PPFIA1: variants seen among roughly 807,000 people sequenced by gnomAD.
PPFIA1 encodes liprin-alpha-1.
Under a neutral mutation model 149.9 loss-of-function variants are expected in PPFIA1, and 25 were observed. The ratio of observed to expected loss-of-function variants is 0.17; its 90% confidence interval spans 0.12 to 0.23. The LOEUF is 0.23. PPFIA1 is among the 10% of genes least tolerant of loss of function. PPFIA1 has a pLI of 1.00. For missense variants in PPFIA1, 1,362 were observed against 1,506.5 expected (o/e 0.90, Z 1.59); for synonymous variants, 549 against 552.8 (o/e 0.99, Z 0.10).
Position 70,324,921 on chromosome 11 carries a change from A to T in PPFIA1, c.441A>T (p.Gln147His). 4.3e-6 allele frequency: 7 copies of T among 1,614,002 alleles called. No homozygotes were observed. Among genetic ancestry groups the T allele is most frequent in the Non-Finnish European group, 5.9e-6 (7 of 1,179,894 alleles). The part of the protein sequence containing the change: ...RSLRMTVVKR[Q>H]AQSPAGVSSE... ...TTAGGATGACCGTGGTGAAGAGACA[A>T]GCGCAGTCTCCAGCAGGCGTGTCCA... is the stretch of plus-strand genomic sequence containing the variant. The change falls in exon 4 of 28, where the codon CAA becomes CAT. Residue 147 changes from glutamine (Q) to histidine (H), a missense_variant. Transcript: ENST00000253925.
intron 4 of PPFIA1, 76 bp downstream of exon 4, chr11:70,325,087 T>G: frequency 1.4e-6 from 2 of 1,419,012 alleles, no homozygotes; most frequent in Non-Finnish European, 1.9e-6. Context: ...TGGTGTAACT[T>G]TTGTTTTTTG....
chr11:70,355,274 T>C (rs2056297425), intron 17 of PPFIA1, among the ~76,000 whole-genome samples: 1 of 152,104 alleles, frequency 6.6e-6, no homozygotes, highest in African/African-American at 2.4e-5. Context: ...GTATATTAAT[T>C]TTTGCAGTAA....
chr11:70,367,699 C>T, intron 21 of PPFIA1: 9 of 439,576 alleles, frequency 2.0e-5, no homozygotes, highest in Non-Finnish European at 2.7e-5. Context: ...GGAGTCTGAG[C>T]AGAGCATATA....
At chr11:70,289,183 A>C (rs1227619972) in intron 2 of PPFIA1, among the ~76,000 whole-genome samples, 2 of 151,382 alleles carry the variant, frequency 1.3e-5, no homozygotes, top group Non-Finnish European at 2.9e-5. Flanking sequence ...TGTTGGCCAG[A>C]CTGGTTTTGA....
chr11:70,297,987 T>C (rs1188073181), intron 2 of PPFIA1, among the ~76,000 whole-genome samples: 1 of 152,222 alleles, frequency 6.6e-6, no homozygotes, highest in Non-Finnish European at 1.5e-5. Flanking sequence ...GAGAGCAGTT[T>C]CGCATTCGCT....
chr11:70,286,127 C>A (rs2051102381), intron 2 of PPFIA1, among the ~76,000 whole-genome samples: 1 of 152,180 alleles, frequency 6.6e-6, no homozygotes, highest in African/African-American at 2.4e-5. Context: ...ACCTGACTGC[C>A]ATGCTGTGTA....
At chr11:70,349,867 C>T in intron 16 of PPFIA1, 1 of 454,904 alleles carries the variant, frequency 2.2e-6, no homozygotes, top group Middle Eastern at 3.3e-4. Flanking sequence ...CTGACAGTCT[C>T]TATGCTTCCG....
chr11:70,299,376 G>A (rs2052317713), intron 2 of PPFIA1, among the ~76,000 whole-genome samples: 1 of 152,132 alleles, frequency 6.6e-6, no homozygotes, highest in Admixed American at 6.6e-5. Context: ...ACATCTCTCT[G>A]TTTACTACTC....
Position 70,343,782 on chromosome 11 carries a change from G to A in PPFIA1, c.1821G>A (p.Arg607=). ...DADVSDGEDD[R]DTLLSSVDLL... Reference sequence around the variant, plus strand: ...ACGTGTCTGATGGTGAAGATGACAGGGACACTCTCCTCAGCTCAGTTGACC... The same window carrying A: ...ACGTGTCTGATGGTGAAGATGACAGAGACACTCTCCTCAGCTCAGTTGACC... Residue 607 remains arginine (R), a synonymous_variant, in exon 15 of 28, where the codon AGG becomes AGA. Transcript: ENST00000253925. 6.2e-7 allele frequency: 1 copy of A among 1,614,152 alleles called. No individual in the cohort carries two copies. The highest frequency in any genetic ancestry group is 1.1e-5 in the South Asian group (1 of 91,076).
At chr11:70,281,765 G>A (rs914254402) in intron 2 of PPFIA1, among the ~76,000 whole-genome samples, 1 of 152,158 alleles carries the variant, frequency 6.6e-6, no homozygotes, top group East Asian at 1.9e-4. Flanking sequence ...ACCTCAGTGG[G>A]CCTCTCTTTG....
intron 2 of PPFIA1, among the ~76,000 whole-genome samples, chr11:70,315,044 G>A (rs748208598): frequency 2.0e-5 from 3 of 152,144 alleles, no homozygotes; most frequent in Admixed American, 6.5e-5. Flanking sequence ...TCACGAGAAC[G>A]GCATGGGGTA....
chr11:70,357,848 A>T (rs2056432049), intron 19 of PPFIA1, among the ~76,000 whole-genome samples: 1 of 152,080 alleles, frequency 6.6e-6, no homozygotes, highest in Admixed American at 6.6e-5. Context: ...CAGCCTCCCA[A>T]AGTGCTGGGA....
chr11:70,319,206 G>A (rs1014329091), intron 2 of PPFIA1, among the ~76,000 whole-genome samples: 1 of 152,158 alleles, frequency 6.6e-6, no homozygotes, highest in Non-Finnish European at 1.5e-5. Flanking sequence ...CTTTCTCTGC[G>A]ATCTTTGACC....
At position 70,335,698 on chromosome 11, in the gene PPFIA1, A is replaced by G. The variant is rs1565411710; in HGVS notation, c.1428+4A>G. The stretch of plus-strand genomic sequence containing the variant: ...AATGGCTGCTTTGGAAGATAAGGTA[A>G]GTTAGATAACACGGACATGCTGGAG... On this transcript the variant is annotated splice_donor_region_variant and intron_variant, in intron 11 of 27. Coordinates refer to ENST00000253925, the MANE Select transcript of PPFIA1 (RefSeq NM_003626.5). 6.2e-7 allele frequency: 1 copy of G among 1,613,772 alleles called. No homozygotes were observed.
chr11:70,284,162 A>G (rs2050949153), intron 2 of PPFIA1: 1 of 422,692 alleles, frequency 2.4e-6, no homozygotes, highest in African/African-American at 2.1e-5. Flanking sequence ...AGGTAAAACT[A>G]GCTAAATGAC....
intron 2 of PPFIA1, among the ~76,000 whole-genome samples, chr11:70,275,439 A>G (rs2050326601): frequency 6.6e-6 from 1 of 152,208 alleles, no homozygotes; most frequent in African/African-American, 2.4e-5. Context: ...TTTTTAATGT[A>G]GCCCAGTTGA....
rs574929152 is a variant in PPFIA1 at position 70,361,191 on chromosome 11, G to A, written c.2583-904G>A. On this transcript the variant is annotated intron_variant, in intron 19 of 27. Transcript: ENST00000253925. ...GGATGGTGTTGATACTGTTAAAGCT[G>A]TAGAAGATGAAAGGAAAATGATGAG... 4.9e-4 allele frequency among the ~76,000 whole-genome samples: 75 copies of A among 152,316 alleles called. 1 individual carries two copies. In the South Asian group the frequency reaches 0.015, roughly 31 times the overall value.
chr11:70,350,961 G>T, intron 16 of PPFIA1: 1 of 1,224,450 alleles, frequency 8.2e-7, no homozygotes, highest in South Asian at 1.4e-5. Context: ...AGTAAATCTG[G>T]TTTCTCTTCA....
chr11:70,300,139 G>T (rs2052381694), intron 2 of PPFIA1, among the ~76,000 whole-genome samples: 1 of 151,376 alleles, frequency 6.6e-6, no homozygotes, highest in South Asian at 2.1e-4. Flanking sequence ...CTCCATCACT[G>T]CCAGCCATGC....
Sources: allele counts gnomAD v4.1 joint callset (sites outside exome capture counted in the v4.1 genomes callset), GRCh38; gene constraint gnomAD v4.1.1; transcripts MANE v1.5; gene names NCBI Gene and HGNC (gene_info 2026-07-23, HGNC 2026-07-21).